The following AR variants were observed in gnomAD, a reference collection of about 807,000 sequenced individuals.
AR encodes the protein androgen receptor.
AR carries 8 observed loss-of-function variants against 53.9 expected under a neutral mutation model. The observed-to-expected ratio is 0.15, with a 90% CI of 0.09 to 0.27. The LOEUF (loss-of-function observed/expected upper bound fraction) is 0.27. AR is among the 10% of genes least tolerant of loss of function. The probability of loss-of-function intolerance (pLI) is 1.00; values close to 1 mark genes in which losing one functional copy is unlikely to be tolerated. For missense variants in AR, 639 were observed against 742.5 expected, an observed-to-expected ratio of 0.86 and a Z score of 1.62; for synonymous variants, 359 against 316.4, an observed-to-expected ratio of 1.13 and a Z score of -1.43.
In AR at chrX:67,728,574, AATATATATATATATATATAT is replaced by A. The variant is rs10666509; in HGVS notation, c.*4755_*4774del. 1.8e-3 allele frequency: 53 copies of A among 29,870 alleles called. 2 individuals are homozygous for A. In the East Asian group the frequency reaches 0.038, roughly 22 times the overall value. The allele number at this position is 29,870 out of a possible 1,213,427, so 2.5% of individuals were successfully genotyped here. ...ATTTGTATCCATGTTTCAAAATTGA[AATATATATATATATATATAT>A]ATATATATATATATATATATAGTGT... On this transcript the variant is annotated 3_prime_UTR_variant, in exon 8 of 8. Transcript: ENST00000374690.
intron 1 of AR, among the ~76,000 whole-genome samples, chrX:67,607,008 G>T (rs775556803): frequency 9.0e-6 from 1 of 110,819 alleles, no homozygotes. Flanking sequence ...ACATGGTTTT[G>T]TTGTTATTGT....
At chrX:67,631,312 C>G (rs1047606176) in intron 1 of AR, among the ~76,000 whole-genome samples, 4 of 111,572 alleles carry the variant, frequency 3.6e-5, no homozygotes, top group Admixed American at 2.9e-4. Flanking sequence ...CCCATAGTCC[C>G]ATATTTCTTG....
chrX:67,716,426 C>T (rs1443668033), intron 4 of AR, among the ~76,000 whole-genome samples: 1 of 111,768 alleles, frequency 8.9e-6, no homozygotes, highest in Non-Finnish European at 1.9e-5. Context: ...GATGAAAGGC[C>T]TGAGAAGGAG....
chrX:67,586,530 C>T (rs930015175), intron 1 of AR, among the ~76,000 whole-genome samples: 3 of 112,180 alleles, frequency 2.7e-5, no homozygotes, highest in Non-Finnish European at 5.6e-5. Context: ...AATTCCTTCT[C>T]CATCTCTGGA....
At chrX:67,662,724 T>C (rs988189614) in intron 2 of AR, among the ~76,000 whole-genome samples, 1 of 110,983 alleles carries the variant, frequency 9.0e-6, no homozygotes, top group Non-Finnish European at 1.9e-5. Flanking sequence ...GACAGTGGAG[T>C]GTTAAAGTCT....
chrX:67,605,809 T>C, intron 1 of AR, among the ~76,000 whole-genome samples: 1 of 112,461 alleles, frequency 8.9e-6, no homozygotes, highest in East Asian at 2.8e-4. Flanking sequence ...TTGGATTTGA[T>C]AATTCATCAA....
chrX:67,724,133 G>T lies in AR; in HGVS notation c.*292G>T, dbSNP rs949681698. On this transcript the variant is annotated 3_prime_UTR_variant, in exon 8 of 8. Coordinates refer to ENST00000374690, the MANE Select transcript of AR (RefSeq NM_000044.6). ...TGGTGTTGTATGCCTTTAAATCTGT[G>T]ATGATCCTCATATGGCCCAGTGTCA... 4 of 352,420 alleles carry T rather than the reference G, an allele frequency of 1.1e-5. No individual in the cohort carries two copies. In the Admixed American group the frequency reaches 1.5e-4, roughly 13 times the overall value. The allele number at this position is 352,420 out of a possible 1,213,427, so 29.0% of individuals were successfully genotyped here.
intron 3 of AR, among the ~76,000 whole-genome samples, chrX:67,690,763 C>T (rs1047915897): frequency 9.0e-6 from 1 of 111,230 alleles, no homozygotes; most frequent in African/African-American, 3.3e-5. Context: ...GAGGAATATT[C>T]CTTAGCCATA....
Position 67,625,900 on chromosome X carries a change from T to G in AR, c.1617-17356T>G, listed in dbSNP as rs759474222. Among the ~76,000 whole-genome samples, 19 of 109,855 alleles carry G rather than the reference T, an allele frequency of 1.7e-4. No individual in the cohort carries two copies. The East Asian group carries it at 1.7e-3, about 10-fold the overall frequency. On this transcript the variant is annotated intron_variant, in intron 1 of 7. Coordinates refer to ENST00000374690, the MANE Select transcript of AR (RefSeq NM_000044.6). The stretch of plus-strand genomic sequence containing the variant: ...AGCACAAGCAATAAGAGAAAAAAAA[T>G]TTTTTTAAAAAAACCCTTGATTATT...
chrX:67,622,022 A>C (rs906864896), intron 1 of AR, among the ~76,000 whole-genome samples: 2 of 111,928 alleles, frequency 1.8e-5, no homozygotes, highest in Admixed American at 1.9e-4. Context: ...TGTACCTGGC[A>C]GTAATAGTTG....
intron 4 of AR, among the ~76,000 whole-genome samples, chrX:67,713,760 T>C (rs368237765): frequency 1.8e-5 from 2 of 111,763 alleles, no homozygotes; most frequent in East Asian, 2.8e-4. Context: ...TCACTGGGGC[T>C]TTCCTTGGCC....
At chrX:67,636,995 A>G (rs1925467343) in intron 1 of AR, among the ~76,000 whole-genome samples, 1 of 111,719 alleles carries the variant, frequency 9.0e-6, no homozygotes, top group African/African-American at 3.3e-5. Flanking sequence ...TCTAATGAAT[A>G]TTTTGTCTTT....
At chrX:67,716,668 C>T (rs769876683) in intron 4 of AR, among the ~76,000 whole-genome samples, 3 of 111,165 alleles carry the variant, frequency 2.7e-5, no homozygotes, top group South Asian at 3.9e-4. Flanking sequence ...AGAGGATGGA[C>T]GCAAGAGAGG....
At chrX:67,697,378 G>A (rs1399473355) in intron 3 of AR, among the ~76,000 whole-genome samples, 11 of 111,332 alleles carry the variant, frequency 9.9e-5, no homozygotes, top group African/African-American at 2.6e-4. Flanking sequence ...TCATTGATTG[G>A]CTTGCAGAAT....
chrX:67,635,871 C>G (rs1291333409), intron 1 of AR, among the ~76,000 whole-genome samples: 13 of 111,259 alleles, frequency 1.2e-4, no homozygotes. Context: ...CACAATGTCA[C>G]GTGCAAATTC....
intron 1 of AR, among the ~76,000 whole-genome samples, chrX:67,627,542 G>A (rs1924751997): frequency 9.0e-6 from 1 of 111,378 alleles, no homozygotes; most frequent in African/African-American, 3.3e-5. Flanking sequence ...CCCTTTGTCA[G>A]ATGAGTACGT....
At chrX:67,623,499 T>C (rs987101408) in intron 1 of AR, among the ~76,000 whole-genome samples, 6 of 111,438 alleles carry the variant, frequency 5.4e-5, no homozygotes, top group African/African-American at 2.0e-4. Flanking sequence ...GCTAAAGCAG[T>C]ACTTAAAGGG....
intron 1 of AR, among the ~76,000 whole-genome samples, chrX:67,632,877 G>C (rs1040263239): frequency 8.9e-6 from 1 of 112,077 alleles, no homozygotes; most frequent in African/African-American, 3.2e-5. Flanking sequence ...TATTTGAATA[G>C]AAATTTCTTG....
chrX:67,681,526 G>A (rs1199753491), intron 2 of AR, among the ~76,000 whole-genome samples: 1 of 112,247 alleles, frequency 8.9e-6, no homozygotes, highest in Non-Finnish European at 1.9e-5. Context: ...ACTTGCTGTG[G>A]CTTGGGGCAT....
Sources: allele counts gnomAD v4.1 joint callset (sites outside exome capture counted in the v4.1 genomes callset), GRCh38; gene constraint gnomAD v4.1.1; transcripts MANE v1.5; gene names NCBI Gene and HGNC (gene_info 2026-07-23, HGNC 2026-07-21).